NUMB: variants seen among roughly 807,000 people sequenced by gnomAD.
NUMB encodes NUMB endocytic adaptor protein.
In NUMB, 29 loss-of-function variants were observed where a neutral mutation model predicts 59.7. The observed-to-expected ratio is 0.49, with a 90% confidence interval of 0.36 to 0.66. NUMB has a LOEUF of 0.66. Ranked by LOEUF, NUMB falls within the 30% of genes least tolerant of loss-of-function variation. NUMB has a pLI of 0.00. For synonymous variants in NUMB, 288 were observed against 288.2 expected (o/e 1.00, Z 0.01); for missense variants, 723 against 822.0 (o/e 0.88, Z 1.47).
chr14:73,300,020 AG>A (rs1890041659), intron 6 of NUMB, among the ~76,000 whole-genome samples: 1 of 152,198 alleles, frequency 6.6e-6, no homozygotes, highest in Non-Finnish European at 1.5e-5. Flanking sequence ...GAATTTAAAT[AG>A]GGTAACAATT....
chr14:73,402,245 A>G (rs1034598840), intron 2 of NUMB, among the ~76,000 whole-genome samples: 1 of 152,198 alleles, frequency 6.6e-6, no homozygotes, highest in Non-Finnish European at 1.5e-5. Flanking sequence ...ACAGATGGAG[A>G]AAAATACTAC....
At chr14:73,416,859 A>C (rs8020542) in intron 1 of NUMB, among the ~76,000 whole-genome samples, 7,783 of 151,870 alleles carry the variant, frequency 0.051, 645 homozygotes, top group African/African-American at 0.18. Context: ...CCTAAATGGG[A>C]ACAAGCATTC....
chr14:73,328,714 A>G (rs572446097), intron 4 of NUMB, among the ~76,000 whole-genome samples: 4 of 152,160 alleles, frequency 2.6e-5, no homozygotes, highest in African/African-American at 9.6e-5. Flanking sequence ...TTGTATCCAC[A>G]TCTTATTTGA....
At chr14:73,429,303 C>T (rs1015368551) in intron 1 of NUMB, among the ~76,000 whole-genome samples, 2 of 151,758 alleles carry the variant, frequency 1.3e-5, no homozygotes, top group East Asian at 1.9e-4. Flanking sequence ...ACCCAGGAGG[C>T]GGAGTCTGCA....
chr14:73,400,021 G>A (rs970693477), intron 2 of NUMB, among the ~76,000 whole-genome samples: 20 of 152,084 alleles, frequency 1.3e-4, no homozygotes, highest in African/African-American at 3.6e-4. Flanking sequence ...CCTGGGCGAT[G>A]GAGTGAGACT....
chr14:73,372,910 CT>C (rs1480542947), intron 2 of NUMB, among the ~76,000 whole-genome samples: 7 of 152,098 alleles, frequency 4.6e-5, no homozygotes, highest in Admixed American at 2.0e-4. Flanking sequence ...TACCATTTCA[CT>C]TATCTTTAAG....
At chr14:73,289,502 T>C (rs1889243999) in intron 8 of NUMB, among the ~76,000 whole-genome samples, 1 of 152,210 alleles carries the variant, frequency 6.6e-6, no homozygotes. Flanking sequence ...TCTTTTGTGG[T>C]GTTCTCAAAA....
At chr14:73,306,198 G>A (rs966126587) in intron 6 of NUMB, among the ~76,000 whole-genome samples, 1 of 152,120 alleles carries the variant, frequency 6.6e-6, no homozygotes, top group Non-Finnish European at 1.5e-5. Flanking sequence ...AATGAGAGGG[G>A]CACTTAAAGG....
intron 6 of NUMB, among the ~76,000 whole-genome samples, chr14:73,307,728 CTTT>C (rs34429117): frequency 2.1e-5 from 2 of 95,484 alleles, no homozygotes. Flanking sequence ...GGGCCTCTGT[CTTT>C]TTTTTTTTTT....
intron 4 of NUMB, among the ~76,000 whole-genome samples, chr14:73,331,535 A>G (rs7154623): frequency 0.32 from 49,111 of 151,956 alleles, 9,156 homozygotes; most frequent in East Asian, 0.71. Flanking sequence ...GCAACAGAGC[A>G]AGACTCCGTC....
intron 7 of NUMB, among the ~76,000 whole-genome samples, chr14:73,293,393 CTTTTTTTTTT>C (rs56116167): frequency 1.0e-5 from 1 of 95,554 alleles, no homozygotes; most frequent in Non-Finnish European, 2.2e-5. Context: ...GTTTCTTTTT[CTTTTTTTTTT>C]TTTTTTTTTG....
At chr14:73,367,346 T>TAGAGAGAGAGAGAGAGAG (rs1288750867) in intron 2 of NUMB, among the ~76,000 whole-genome samples, 529 of 91,170 alleles carry the variant, frequency 5.8e-3, no homozygotes, top group Non-Finnish European at 7.0e-3. Flanking sequence ...TATATATATA[T>TAGAGAGAGAGAGAGAGAG]ATAGAGAGAG....
At chr14:73,295,519 T>C (rs1889716672) in intron 7 of NUMB, among the ~76,000 whole-genome samples, 1 of 152,174 alleles carries the variant, frequency 6.6e-6, no homozygotes, top group Non-Finnish European at 1.5e-5. Context: ...GATCACTGTT[T>C]CCAACAGTAA....
chr14:73,447,135 C>T (rs1466016959), intron 1 of NUMB, among the ~76,000 whole-genome samples: 2 of 148,286 alleles, frequency 1.3e-5, no homozygotes, highest in Admixed American at 1.4e-4. Context: ...TGCAGTGAGC[C>T]GAGATTGTGC....
At chr14:73,419,867 GA>G (rs1897286715) in intron 1 of NUMB, among the ~76,000 whole-genome samples, 1 of 152,118 alleles carries the variant, frequency 6.6e-6, no homozygotes. Context: ...AGTCCAAGCT[GA>G]AACTTAATTT....
chr14:73,318,425 G>A (rs1594899165), intron 5 of NUMB, among the ~76,000 whole-genome samples: 1 of 152,240 alleles, frequency 6.6e-6, no homozygotes, highest in East Asian at 1.9e-4. Flanking sequence ...ATATCAAATA[G>A]TGAATAAAAA....
intron 1 of NUMB, among the ~76,000 whole-genome samples, chr14:73,445,378 A>AC (rs1883410121): frequency 7.0e-6 from 1 of 143,450 alleles, no homozygotes; most frequent in Non-Finnish European, 1.5e-5. Context: ...AAAAAAAAAA[A>AC]AAAAAAAAAA....
chr14:73,278,045 CAAAAAAAA>C (rs57146032), intron 12 of NUMB, among the ~76,000 whole-genome samples: 1 of 69,236 alleles, frequency 1.4e-5, no homozygotes, highest in African/African-American at 6.0e-5. Flanking sequence ...GACTCCGTCT[CAAAAAAAA>C]AAAAAAAAAA....
intron 2 of NUMB, among the ~76,000 whole-genome samples, chr14:73,386,652 TC>T (rs1594975223): frequency 1.3e-5 from 2 of 152,252 alleles, no homozygotes; most frequent in East Asian, 3.9e-4. Context: ...ACCAGGAAAT[TC>T]TGACAGAAAA....
Sources: gnomAD v4.1 joint callset for allele counts (sites outside exome capture counted in the v4.1 genomes callset) on GRCh38, gnomAD v4.1.1 for gene constraint, MANE v1.5 for transcripts, NCBI Gene and HGNC (gene_info 2026-07-23, HGNC 2026-07-21) for gene names.